ARB2A: variants seen among roughly 807,000 people sequenced by gnomAD.
ARB2A encodes ARB2 cotranscriptional regulator A.
chr5:94,074,060 C>G, the ARB2A span, among the ~76,000 whole-genome samples: 17 of 152,212 alleles, frequency 1.1e-4, no homozygotes, highest in East Asian at 2.9e-3. Flanking sequence ...TCTTTTGCTA[C>G]TTTCTGCTCA....
At chr5:93,865,181 T>A in the ARB2A span, among the ~76,000 whole-genome samples, 1 of 152,134 alleles carries the variant, frequency 6.6e-6, no homozygotes, top group Admixed American at 6.5e-5. Context: ...TCCCGGGTTC[T>A]CGCCATTCTC....
At chr5:93,858,504 G>A in the ARB2A span, among the ~76,000 whole-genome samples, 1 of 152,206 alleles carries the variant, frequency 6.6e-6, no homozygotes, top group African/African-American at 2.4e-5. Context: ...ATCCAATGGA[G>A]TAGAGAGGTC....
At chr5:93,932,398 T>C in the ARB2A span, among the ~76,000 whole-genome samples, 1 of 152,198 alleles carries the variant, frequency 6.6e-6, no homozygotes, top group Admixed American at 6.5e-5. Flanking sequence ...AGCACTGTGG[T>C]GTTTGGTGCC....
At chr5:93,714,960 C>A in the ARB2A span, among the ~76,000 whole-genome samples, 3 of 152,062 alleles carry the variant, frequency 2.0e-5, no homozygotes, top group Admixed American at 1.3e-4. Context: ...CACATCAGAT[C>A]CCTGCATCAA....
chr5:93,854,557 A>G, the ARB2A span, among the ~76,000 whole-genome samples: 1 of 152,202 alleles, frequency 6.6e-6, no homozygotes, highest in South Asian at 2.1e-4. Flanking sequence ...TAGGGTGTCA[A>G]TTTTGGATCT....
the ARB2A span, among the ~76,000 whole-genome samples, chr5:93,655,612 G>A: frequency 2.0e-5 from 3 of 152,198 alleles, 1 homozygote; most frequent in Non-Finnish European, 4.4e-5. Flanking sequence ...AAGGGAAAGA[G>A]CAAGACATTT....
chr5:94,048,456 C>T, the ARB2A span, among the ~76,000 whole-genome samples: 1 of 152,112 alleles, frequency 6.6e-6, no homozygotes, highest in African/African-American at 2.4e-5. Flanking sequence ...GATTCTTTAA[C>T]TGTCAGATTT....
At chr5:93,741,205 G>T in the ARB2A span, 10 of 1,613,698 alleles carry the variant, frequency 6.2e-6, no homozygotes, top group Non-Finnish European at 8.5e-6. Flanking sequence ...CAGTATGCCC[G>T]AGATGTCCTC....
chr5:93,638,664 AC>A, the ARB2A span, among the ~76,000 whole-genome samples: 1 of 150,024 alleles, frequency 6.7e-6, no homozygotes, highest in African/African-American at 2.5e-5. Flanking sequence ...ATACAAAAAT[AC>A]AAAAAAAAAA....
the ARB2A span, among the ~76,000 whole-genome samples, chr5:93,826,118 C>A: frequency 1.3e-5 from 2 of 152,024 alleles, no homozygotes; most frequent in African/African-American, 4.8e-5. Flanking sequence ...CTATGGCTGA[C>A]ATATTGTGGT....
chr5:94,008,896 A>G, the ARB2A span, among the ~76,000 whole-genome samples: 2 of 152,156 alleles, frequency 1.3e-5, no homozygotes, highest in Non-Finnish European at 2.9e-5. Flanking sequence ...TGCTGCTAGT[A>G]TTAAGAATAA....
the ARB2A span, among the ~76,000 whole-genome samples, chr5:94,084,892 T>C: frequency 6.6e-6 from 1 of 152,288 alleles, no homozygotes; most frequent in East Asian, 1.9e-4. Context: ...AGGGTACAAA[T>C]GTGAAACTCA....
At chr5:94,035,184 C>G in the ARB2A span, among the ~76,000 whole-genome samples, 1 of 97,828 alleles carries the variant, frequency 1.0e-5, no homozygotes, top group Non-Finnish European at 2.1e-5. Context: ...ATTTAGGAAC[C>G]AGGATCTTAT....
chr5:93,849,657 T>C, the ARB2A span, among the ~76,000 whole-genome samples: 1 of 152,150 alleles, frequency 6.6e-6, no homozygotes, highest in Admixed American at 6.5e-5. Context: ...AATCCAGTAA[T>C]AGATCAGATA....
the ARB2A span, among the ~76,000 whole-genome samples, chr5:93,653,236 T>C: frequency 6.6e-6 from 1 of 151,890 alleles, no homozygotes; most frequent in Non-Finnish European, 1.5e-5. Context: ...TAAAAAGACA[T>C]TAATTCTTCT....
the ARB2A span, among the ~76,000 whole-genome samples, chr5:94,061,647 A>G: frequency 2.0e-5 from 3 of 152,208 alleles, no homozygotes; most frequent in Non-Finnish European, 4.4e-5. Context: ...ATTTTCATAA[A>G]CCATCAATAA....
At chr5:93,881,990 T>A in the ARB2A span, among the ~76,000 whole-genome samples, 1 of 151,338 alleles carries the variant, frequency 6.6e-6, no homozygotes, top group Admixed American at 6.6e-5. Flanking sequence ...CAAAAATGAC[T>A]GAAATAAATT....
the ARB2A span, chr5:93,881,490 T>C: frequency 5.0e-6 from 8 of 1,610,402 alleles, no homozygotes; most frequent in South Asian, 2.2e-5. Flanking sequence ...AATTGCATCA[T>C]TTCTTTTTCT....
At chr5:94,072,111 A>G in the ARB2A span, among the ~76,000 whole-genome samples, 1 of 152,128 alleles carries the variant, frequency 6.6e-6, no homozygotes, top group Non-Finnish European at 1.5e-5. Flanking sequence ...AAGAAAGCCA[A>G]TCTCAAAAAA....
Sources: allele counts gnomAD v4.1 joint callset (sites outside exome capture counted in the v4.1 genomes callset), GRCh38; gene constraint gnomAD v4.1.1; transcripts MANE v1.5; gene names NCBI Gene and HGNC (gene_info 2026-07-23, HGNC 2026-07-21).